SLC2A13: variants seen among roughly 807,000 people sequenced by gnomAD.
SLC2A13 encodes solute carrier family 2 member 13, also known as proton myo-inositol cotransporter.
SLC2A13 carries 32 observed loss-of-function variants against 64.4 expected under a neutral mutation model. The ratio of observed to expected loss-of-function variants is 0.50; its 90% confidence interval spans 0.37 to 0.67. The LOEUF is 0.67. Ranked by LOEUF, SLC2A13 falls within the 30% of genes least tolerant of loss-of-function variation. The probability of loss-of-function intolerance (pLI) is 0.00; values close to 1 mark genes in which losing one functional copy is unlikely to be tolerated. For synonymous variants in SLC2A13, 338 were observed against 327.1 expected (o/e 1.03, Z -0.36); for missense variants, 743 against 829.2 (o/e 0.90, Z 1.28).
intron 7 of SLC2A13, among the ~76,000 whole-genome samples, chr12:39,790,515 C>T: frequency 6.6e-6 from 1 of 150,786 alleles, no homozygotes; most frequent in East Asian, 2.0e-4. Context: ...TGATGGTTTC[C>T]AATTTCATCC....
Position 39,887,407 on chromosome 12 carries a change from C to G in SLC2A13, c.1035-15446G>C, listed in dbSNP as rs187332697. Among the ~76,000 whole-genome samples, 285 of 152,242 alleles carry G rather than the reference C, an allele frequency of 1.9e-3. 2 individuals carry two copies. The highest frequency in any genetic ancestry group is 0.018 in the Admixed American group (275 of 15,284). ...TACAGCCTCAAAGCCAATAAACTCTCTTCTCCACTGAGGGCTCTAGAATCA... is the reference window on the plus strand; with the variant it reads ...TACAGCCTCAAAGCCAATAAACTCTGTTCTCCACTGAGGGCTCTAGAATCA... On this transcript the variant is annotated intron_variant, in intron 4 of 9. Coordinates refer to ENST00000280871, the MANE Select transcript of SLC2A13 (RefSeq NM_052885.4).
chr12:39,860,676 A>G (rs1358771016), intron 6 of SLC2A13, among the ~76,000 whole-genome samples: 1 of 152,170 alleles, frequency 6.6e-6, no homozygotes, highest in Non-Finnish European at 1.5e-5. Context: ...TTGAGAACCA[A>G]CCAAAGACTC....
In SLC2A13 at chr12:39,772,961, G is replaced by A. The variant is rs111840700; in HGVS notation, c.1446-8103C>T. On this transcript the variant is annotated intron_variant, in intron 7 of 9. Transcript: ENST00000280871. The stretch of plus-strand genomic sequence containing the variant: ...AGCAATACGTAGATAGCTAATGACT[G>A]AGAATGTGACATCACACCTGACCTT... 2.4e-3 allele frequency among the ~76,000 whole-genome samples: 370 copies of A among 152,312 alleles called. 1 individual carries two copies. Among genetic ancestry groups the A allele is most frequent in the African/African-American group, 8.1e-3 (335 of 41,570 alleles).
At chr12:39,903,629 G>A (rs187616008) in intron 4 of SLC2A13, among the ~76,000 whole-genome samples, 1 of 152,032 alleles carries the variant, frequency 6.6e-6, no homozygotes, top group East Asian at 1.9e-4. Context: ...CCTCTTGGAG[G>A]GAAAATGTGA....
chr12:39,837,727 A>G (rs569464278), intron 6 of SLC2A13, among the ~76,000 whole-genome samples: 10 of 152,332 alleles, frequency 6.6e-5, no homozygotes, highest in African/African-American at 2.4e-4. Context: ...ACAACCAAAA[A>G]ACACATGAAA....
intron 6 of SLC2A13, among the ~76,000 whole-genome samples, chr12:39,863,232 AT>A (rs1341007198): frequency 3.9e-5 from 6 of 152,186 alleles, no homozygotes; most frequent in South Asian, 4.1e-4. Context: ...CATCATAAGG[AT>A]TAACAGACTG....
intron 1 of SLC2A13, among the ~76,000 whole-genome samples, chr12:40,049,874 G>A (rs943375282): frequency 3.3e-5 from 5 of 152,080 alleles, no homozygotes; most frequent in Non-Finnish European, 7.4e-5. Context: ...AAACCATTAA[G>A]TCTCAGAACT....
chr12:40,043,723 C>T (rs1393192560), intron 2 of SLC2A13, among the ~76,000 whole-genome samples: 1 of 149,718 alleles, frequency 6.7e-6, no homozygotes, highest in Non-Finnish European at 1.5e-5. Context: ...GTCAACACTA[C>T]AATATATTAG....
At chr12:39,851,023 C>A (rs945058843) in intron 6 of SLC2A13, among the ~76,000 whole-genome samples, 1 of 151,970 alleles carries the variant, frequency 6.6e-6, no homozygotes, top group African/African-American at 2.4e-5. Flanking sequence ...CCTCAGCCTC[C>A]TGAGTAGCTG....
chr12:39,775,747 GGGA>G (rs1213161599), intron 7 of SLC2A13, among the ~76,000 whole-genome samples: 2 of 152,146 alleles, frequency 1.3e-5, no homozygotes, highest in Admixed American at 6.5e-5. Flanking sequence ...AAAAAATTAG[GGGA>G]GGAGAAGGTA....
chr12:40,034,403 T>A (rs77607154), intron 2 of SLC2A13, among the ~76,000 whole-genome samples: 1 of 152,288 alleles, frequency 6.6e-6, no homozygotes, highest in East Asian at 1.9e-4. Context: ...TTAATCTTGA[T>A]ACTTTCTGAA....
chr12:39,937,775 G>T (rs1269369571), intron 4 of SLC2A13, among the ~76,000 whole-genome samples: 2 of 152,080 alleles, frequency 1.3e-5, no homozygotes, highest in Non-Finnish European at 2.9e-5. Flanking sequence ...TACAAGTCAC[G>T]CCACATTGGG....
intron 7 of SLC2A13, among the ~76,000 whole-genome samples, chr12:39,779,766 G>A (rs932922920): frequency 9.9e-5 from 15 of 152,188 alleles, no homozygotes; most frequent in Non-Finnish European, 1.6e-4. Flanking sequence ...TTTACCATAA[G>A]CATTGAAAAA....
At chr12:39,842,979 G>C (rs1403278978) in intron 6 of SLC2A13, among the ~76,000 whole-genome samples, 1 of 151,884 alleles carries the variant, frequency 6.6e-6, no homozygotes, top group African/African-American at 2.4e-5. Context: ...TTCCACTGTA[G>C]GATATATCAC....
chr12:39,984,747 TG>T (rs1218347830), intron 3 of SLC2A13, among the ~76,000 whole-genome samples: 1 of 152,202 alleles, frequency 6.6e-6, no homozygotes, highest in Non-Finnish European at 1.5e-5. Flanking sequence ...ATGTCCGTCT[TG>T]ATGAAAAATG....
chr12:39,854,241 GATAATA>G (rs199775239), intron 6 of SLC2A13, among the ~76,000 whole-genome samples: 2 of 151,812 alleles, frequency 1.3e-5, no homozygotes, highest in East Asian at 1.9e-4. Context: ...TGTAAAATTG[GATAATA>G]ATAATAATAA....
At chr12:39,863,076 C>T (rs866612370) in intron 6 of SLC2A13, among the ~76,000 whole-genome samples, 1 of 152,088 alleles carries the variant, frequency 6.6e-6, no homozygotes, top group African/African-American at 2.4e-5. Flanking sequence ...TTTTCATATC[C>T]ACTGACTCCC....
At chr12:39,837,551 G>A (rs1434027097) in intron 6 of SLC2A13, among the ~76,000 whole-genome samples, 2 of 143,052 alleles carry the variant, frequency 1.4e-5, no homozygotes, top group African/African-American at 2.6e-5. Flanking sequence ...GAGTGAACAG[G>A]CAACCTACAA....
chr12:40,059,262 T>A (rs17442213), intron 1 of SLC2A13, among the ~76,000 whole-genome samples: 3,566 of 152,304 alleles, frequency 0.023, 53 homozygotes, highest in Non-Finnish European at 0.039. Context: ...AATGGCACAT[T>A]TCAATACATT....
Sources: gnomAD v4.1 joint callset for allele counts (sites outside exome capture counted in the v4.1 genomes callset) on GRCh38, gnomAD v4.1.1 for gene constraint, MANE v1.5 for transcripts, NCBI Gene and HGNC (gene_info 2026-07-23, HGNC 2026-07-21) for gene names.